The following CCDC39 variants were observed in gnomAD, a reference collection of about 807,000 sequenced individuals.
CCDC39 encodes coiled-coil domain 39 molecular ruler complex subunit.
Under a neutral mutation model 121.0 loss-of-function variants are expected in CCDC39, and 113 were observed. The ratio of observed to expected loss-of-function variants is 0.93; its 90% CI spans 0.80 to 1.09. CCDC39 has a LOEUF of 1.09. Among genes scored for constraint, CCDC39 ranks in the 50% least tolerant of loss-of-function variants. CCDC39 has a pLI of 0.00. For missense variants in CCDC39, 1,063 were observed against 1,074.7 expected, an observed-to-expected ratio of 0.99 and a Z score of 0.15; for synonymous variants, 349 against 352.2, an observed-to-expected ratio of 0.99 and a Z score of 0.10.
chr3:180,677,509 A>G (rs1358858563), intron 1 of CCDC39, among the ~76,000 whole-genome samples: 1 of 151,870 alleles, frequency 6.6e-6, no homozygotes, highest in Non-Finnish European at 1.5e-5. Context: ...TATTCTTTAA[A>G]ATCAGAGACA....
rs910833183 is a variant in CCDC39 at position 180,651,288 on chromosome 3, C to T, written c.1167+113G>A. The T allele has an allele frequency of 2.0e-5, 17 of 831,870 alleles. No individual in the cohort carries two copies. The Admixed American group carries it at 3.2e-4, about 16-fold the overall frequency. 51.5% of individuals were successfully genotyped at this position (831,870 alleles called of 1,614,324 possible). A position where few individuals can be genotyped will look rare whatever the true frequency, so the allele number is the denominator to read the frequency against. On this transcript the variant is annotated intron_variant, in intron 9 of 19. Coordinates refer to ENST00000476379, the MANE Select transcript of CCDC39 (RefSeq NM_181426.2). ...AAACCAGATTATAAATGTGATCATA[C>T]CAAAAAGCAGAGCTTCTTACAAGAC...
chr3:180,635,455 A>G (rs1009590493), intron 13 of CCDC39, among the ~76,000 whole-genome samples: 1 of 152,200 alleles, frequency 6.6e-6, no homozygotes, highest in Non-Finnish European at 1.5e-5. Context: ...CCTTCCGCCT[A>G]TGAGCCTGTA....
chr3:180,677,136 AAAGT>A (rs1712236147), intron 1 of CCDC39, among the ~76,000 whole-genome samples: 1 of 126,600 alleles, frequency 7.9e-6, no homozygotes, highest in South Asian at 2.5e-4. Context: ...CCTAAAACTT[AAAGT>A]ATTATAATAA....
At chr3:180,669,430 T>C (rs1711972170) in intron 1 of CCDC39, among the ~76,000 whole-genome samples, 1 of 152,118 alleles carries the variant, frequency 6.6e-6, no homozygotes, top group Non-Finnish European at 1.5e-5. Flanking sequence ...AACTGAAACT[T>C]TTATCATATT....
chr3:180,679,343 T>C lies in CCDC39; in HGVS notation c.38A>G (p.Asp13Gly). Reference sequence around the variant, plus strand: ...GTTCGCCACCGGGATGGCGAACCCATCCTCCCAGTGCAGCTCAGCCAGGAA... The same window carrying C: ...GTTCGCCACCGGGATGGCGAACCCACCCTCCCAGTGCAGCTCAGCCAGGAA... ...SEFLAELHWE[D>G]GFAIPVANEE... The change falls in exon 1 of 20, where the codon GAT becomes GGT. Residue 13 changes from aspartate (D) to glycine (G), a missense_variant. Transcript: ENST00000476379. This position sits in a 1 kb window ranked among gnomAD's most constrained non-coding sequence, Gnocchi z 4.0. 6.2e-6 allele frequency: 10 copies of C among 1,613,854 alleles called. No individual in the cohort carries two copies. The highest frequency in any genetic ancestry group is 7.6e-6 in the Non-Finnish European group (9 of 1,179,834).
At chr3:180,678,861 A>T (rs561079766) in intron 1 of CCDC39, among the ~76,000 whole-genome samples, 1 of 152,302 alleles carries the variant, frequency 6.6e-6, no homozygotes, top group Middle Eastern at 3.4e-3. Flanking sequence ...AAACTCACAA[A>T]GAAATATGAA....
chr3:180,622,532 G>A (rs1383735300), intron 14 of CCDC39, among the ~76,000 whole-genome samples: 6 of 152,070 alleles, frequency 3.9e-5, no homozygotes, highest in Non-Finnish European at 7.4e-5. Flanking sequence ...CATTCGATAC[G>A]ATGTTGGCTG....
At chr3:180,622,341 GATCAT>G (rs1037034755) in intron 14 of CCDC39, among the ~76,000 whole-genome samples, 1 of 151,894 alleles carries the variant, frequency 6.6e-6, no homozygotes, top group Non-Finnish European at 1.5e-5. Context: ...CTAGATGTAA[GATCAT>G]ATCATGTGAA....
chr3:180,654,676 T>C (rs1030052029), intron 7 of CCDC39, 86 bp downstream of exon 7: 10 of 891,824 alleles, frequency 1.1e-5, no homozygotes, highest in Non-Finnish European at 1.6e-5. Flanking sequence ...GTAGTTTCTT[T>C]ATCACAGGAA....
chr3:180,660,278 C>T (rs1711709591), intron 4 of CCDC39, among the ~76,000 whole-genome samples: 2 of 152,072 alleles, frequency 1.3e-5, no homozygotes, highest in South Asian at 4.1e-4. Context: ...TTCTGAAATG[C>T]TTTTGAGCAT....
At chr3:180,631,394 A>C in intron 14 of CCDC39, 75 bp downstream of exon 14, 1 of 1,341,716 alleles carries the variant, frequency 7.5e-7, no homozygotes, top group Non-Finnish European at 1.0e-6. Flanking sequence ...TTTTTATTTA[A>C]ATTCAGAGGA....
chr3:180,633,752 AG>A (rs1717757673), intron 13 of CCDC39, among the ~76,000 whole-genome samples: 1 of 152,182 alleles, frequency 6.6e-6, no homozygotes, highest in African/African-American at 2.4e-5. Flanking sequence ...CCTGACCCAA[AG>A]GAAGACTTGA....
At chr3:180,677,367 T>C (rs538906604) in intron 1 of CCDC39, among the ~76,000 whole-genome samples, 1 of 150,458 alleles carries the variant, frequency 6.6e-6, no homozygotes, top group African/African-American at 2.4e-5. Context: ...AGTATAAAAC[T>C]AACACTAAAC....
chr3:180,659,456 GCA>G lies in CCDC39; in HGVS notation c.732_733del (p.Ala245PhefsTer18). On this transcript the variant is annotated frameshift_variant, in exon 6 of 20. Coordinates refer to ENST00000476379, the MANE Select transcript of CCDC39 (RefSeq NM_181426.2). LOFTEE classifies it high-confidence loss of function. ...AGGACCAAACAACTACTTTACCAAA[GCA>G]CAGTTATCTATGTCTCCATCCCTCT... 1 of 1,613,304 alleles carries G rather than the reference GCA, an allele frequency of 6.2e-7. No homozygotes were observed. Among genetic ancestry groups the G allele is most frequent in the South Asian group, 1.1e-5 (1 of 91,038 alleles).
chr3:180,676,154 T>A (rs1196648071), intron 1 of CCDC39, among the ~76,000 whole-genome samples: 5 of 152,112 alleles, frequency 3.3e-5, no homozygotes, highest in Non-Finnish European at 7.4e-5. Context: ...GGGATCTCAT[T>A]AAACTAAAGA....
At position 180,619,941 on chromosome 3, in the gene CCDC39, C is replaced by G; in HGVS notation, c.2028G>C (p.Arg676Ser). Residue 676 changes from arginine to serine, a missense_variant, in exon 15 of 20, where the codon AGG becomes AGC. Transcript: ENST00000476379. Reference protein sequence around the residue: ...KAAQEKEELQREGDCLDAKIN... With the variant: ...KAAQEKEELQSEGDCLDAKIN... ...TCTTGGCATCCAAACAGTCACCTTCCCTTTGAAGTTCTTCTTTTTCTTGAG... is the reference window on the plus strand; with the variant it reads ...TCTTGGCATCCAAACAGTCACCTTCGCTTTGAAGTTCTTCTTTTTCTTGAG... 6.2e-7 allele frequency: 1 copy of G among 1,608,208 alleles called. No individual in the cohort carries two copies. Among genetic ancestry groups the G allele is most frequent in the Non-Finnish European group, 8.5e-7 (1 of 1,177,078 alleles).
chr3:180,669,890 G>A (rs1378639561), intron 1 of CCDC39, among the ~76,000 whole-genome samples: 1 of 152,132 alleles, frequency 6.6e-6, no homozygotes, highest in East Asian at 1.9e-4. Flanking sequence ...CACTGTTAAT[G>A]AAAGAGATGG....
At chr3:180,653,953 G>C (rs74525979) in intron 7 of CCDC39, among the ~76,000 whole-genome samples, 2 of 150,442 alleles carry the variant, frequency 1.3e-5, no homozygotes, top group Non-Finnish European at 1.5e-5. Context: ...TTTTATTGTT[G>C]TATTATTTTT....
intron 14 of CCDC39, among the ~76,000 whole-genome samples, chr3:180,628,076 G>A (rs1717605655): frequency 6.6e-6 from 1 of 152,142 alleles, no homozygotes. Flanking sequence ...ACAAACTAAG[G>A]AACACCAAAG....
Sources: allele counts gnomAD v4.1 joint callset (sites outside exome capture counted in the v4.1 genomes callset), GRCh38; gene constraint gnomAD v4.1.1; non-coding constraint Gnocchi (gnomAD v3.1); transcripts MANE v1.5; gene names NCBI Gene and HGNC (gene_info 2026-07-23, HGNC 2026-07-21).